Variants in SPESP1 observed in about 807,000 individuals in gnomAD.
The protein encoded by SPESP1 is equatorial segment protein.
SPESP1 carries 1 observed loss-of-function variant against 3.1 expected under a neutral mutation model. The observed-to-expected ratio is 0.33, with a 90% confidence interval of 0.12 to 1.54. The LOEUF is 1.54. SPESP1 is among the 40% of genes most tolerant of loss of function. The probability of loss-of-function intolerance (pLI) is 0.38; values close to 1 mark genes in which losing one functional copy is unlikely to be tolerated. For synonymous variants in SPESP1, 138 were observed against 150.7 expected (o/e 0.92, Z 0.62); for missense variants, 398 against 410.1 (o/e 0.97, Z 0.26).
intron 1 of SPESP1, among the ~76,000 whole-genome samples, chr15:68,943,262 TATG>T (rs1458301638): frequency 2.0e-5 from 3 of 152,176 alleles, no homozygotes; most frequent in African/African-American, 4.8e-5. Flanking sequence ...AGACAAAATA[TATG>T]ATACTATGTG....
chr15:68,942,388 A>G (rs1213266923), intron 1 of SPESP1, among the ~76,000 whole-genome samples: 1 of 151,994 alleles, frequency 6.6e-6, no homozygotes, highest in Non-Finnish European at 1.5e-5. Context: ...ACATAGTTTT[A>G]CCTCTTTCTG....
chr15:68,946,317 A>G lies in SPESP1; in HGVS notation c.783A>G (p.Leu261=), dbSNP rs901930367. Residue 261 remains leucine (L), a synonymous_variant, in exon 2 of 2, where the codon CTA becomes CTG. Transcript: ENST00000310673. ...REDIEASKDH[L]KRSLALAAAA... is the part of the protein sequence containing the mutation. Reference sequence around the variant, plus strand: ...ATATTGAAGCCTCTAAAGATCACCTAAAACGAAGCCTTGCTCTAGCAGCAG... The same window carrying G: ...ATATTGAAGCCTCTAAAGATCACCTGAAACGAAGCCTTGCTCTAGCAGCAG... 1.2e-6 allele frequency: 2 copies of G among 1,614,184 alleles called. No homozygotes were observed. Among genetic ancestry groups the G allele is most frequent in the Non-Finnish European group, 8.5e-7 (1 of 1,180,044 alleles).
At chr15:68,940,235 T>C (rs182985464) in intron 1 of SPESP1, among the ~76,000 whole-genome samples, 231 of 152,274 alleles carry the variant, frequency 1.5e-3, no homozygotes, top group African/African-American at 5.1e-3. Flanking sequence ...TCCTATTTCA[T>C]TGATAGCTCT....
chr15:68,934,844 G>A (rs1052284060), intron 1 of SPESP1, among the ~76,000 whole-genome samples: 2 of 150,762 alleles, frequency 1.3e-5, no homozygotes, highest in Non-Finnish European at 2.9e-5. Flanking sequence ...AGTTTTTTCC[G>A]AGCCTCAAAT....
chr15:68,943,173 C>T (rs1895873383), intron 1 of SPESP1, among the ~76,000 whole-genome samples: 1 of 151,936 alleles, frequency 6.6e-6, no homozygotes, highest in East Asian at 1.9e-4. Context: ...TTGAGTCCCA[C>T]TGCCTCTCCT....
At chr15:68,932,517 A>C (rs1895573859) in intron 1 of SPESP1, among the ~76,000 whole-genome samples, 1 of 151,858 alleles carries the variant, frequency 6.6e-6, no homozygotes, top group Non-Finnish European at 1.5e-5. Context: ...CAGCCTCCTG[A>C]GTAGCTGGGA....
At chr15:68,945,070 A>C (rs1895925437) in intron 1 of SPESP1, among the ~76,000 whole-genome samples, 1 of 152,220 alleles carries the variant, frequency 6.6e-6, no homozygotes, top group African/African-American at 2.4e-5. Flanking sequence ...TCACAAGCAT[A>C]GAAAATAGTA....
rs1895981563 is a variant in SPESP1 at position 68,946,761 on chromosome 15, A to C, written c.*174A>C. ...TCTTTATGTGTCATGTGTTATGAAC[A>C]ATTTTCATATGCACTAAAAACCTAA... is the stretch of plus-strand genomic sequence containing the variant. On this transcript the variant is annotated 3_prime_UTR_variant, in exon 2 of 2. Coordinates refer to ENST00000310673, the MANE Select transcript of SPESP1 (RefSeq NM_145658.4). 5.0e-6 allele frequency: 4 copies of C among 805,862 alleles called. No individual in the cohort carries two copies. Among genetic ancestry groups the C allele is most frequent in the Non-Finnish European group, 6.6e-6 (4 of 601,902 alleles). 49.9% of individuals were successfully genotyped at this position (805,862 alleles called of 1,614,324 possible). A position where few individuals can be genotyped will look rare whatever the true frequency, so the allele number is the denominator to read the frequency against.
Position 68,945,780 on chromosome 15 carries a change from C to T in SPESP1, c.246C>T (p.Asp82=), listed in dbSNP as rs757784904. 19 of 1,613,828 alleles carry T rather than the reference C, an allele frequency of 1.2e-5. No homozygotes were observed. Among genetic ancestry groups the T allele is most frequent in the Admixed American group, 1.7e-5 (1 of 59,950 alleles). ...TTAAGGAGCTAGTTACACATGGAGA[C>T]GCTTCAACTGAGAATGATGTTTTAA... The part of the protein sequence containing the change: ...SKFKELVTHG[D]ASTENDVLTN... Residue 82 remains aspartate, a synonymous_variant, in exon 2 of 2, where the codon GAC becomes GAT. Coordinates refer to ENST00000310673, the MANE Select transcript of SPESP1 (RefSeq NM_145658.4).
intron 1 of SPESP1, among the ~76,000 whole-genome samples, chr15:68,944,884 C>T (rs938102563): frequency 6.6e-6 from 1 of 152,038 alleles, no homozygotes; most frequent in Admixed American, 6.6e-5. Flanking sequence ...ACTGGCTTTT[C>T]GGAGAGAGGA....
At chr15:68,937,918 G>A (rs1015336096) in intron 1 of SPESP1, among the ~76,000 whole-genome samples, 1 of 152,016 alleles carries the variant, frequency 6.6e-6, no homozygotes, top group Non-Finnish European at 1.5e-5. Context: ...CTATGAAAAG[G>A]AAATATATTT....
intron 1 of SPESP1, among the ~76,000 whole-genome samples, chr15:68,941,353 A>G (rs1595720487): frequency 6.6e-6 from 1 of 152,210 alleles, no homozygotes; most frequent in Non-Finnish European, 1.5e-5. Flanking sequence ...TGTAGCTCCT[A>G]TAACAAATTA....
intron 1 of SPESP1, among the ~76,000 whole-genome samples, chr15:68,940,846 G>T (rs972295806): frequency 7.4e-5 from 11 of 149,474 alleles, no homozygotes; most frequent in African/African-American, 2.7e-4. Context: ...TGCCTTTTTA[G>T]GTATACATAG....
chr15:68,945,737 C>T lies in SPESP1; in HGVS notation c.203C>T (p.Ala68Val), dbSNP rs1296713386. 6.2e-7 allele frequency: 1 copy of T among 1,613,934 alleles called. No homozygotes were observed. The highest frequency in any genetic ancestry group is 8.5e-7 in the Non-Finnish European group (1 of 1,179,998). Residue 68 changes from alanine (A) to valine (V), a missense_variant, in exon 2 of 2, where the codon GCA (alanine) becomes GTA (valine). Physicochemically the swap from Ala to Val is moderately conservative, Grantham distance 64. Transcript: ENST00000310673. Reference protein sequence around the residue: ...SNSPKHVYSIASKGSKFKELV... With the variant: ...SNSPKHVYSIVSKGSKFKELV... ...TCTCCAAAACATGTTTATTCTATAGCATCAAAGGGATCAAAATTTAAGGAG... is the reference window on the plus strand; with the variant it reads ...TCTCCAAAACATGTTTATTCTATAGTATCAAAGGGATCAAAATTTAAGGAG...
intron 1 of SPESP1, among the ~76,000 whole-genome samples, chr15:68,940,618 A>G (rs1249265689): frequency 2.6e-5 from 4 of 152,092 alleles, no homozygotes; most frequent in African/African-American, 4.8e-5. Context: ...AAACTGGGTC[A>G]TACATCCTTT....
At chr15:68,936,586 C>T (rs1317773934) in intron 1 of SPESP1, among the ~76,000 whole-genome samples, 1 of 152,138 alleles carries the variant, frequency 6.6e-6, no homozygotes, top group African/African-American at 2.4e-5. Context: ...ATGGATTTTA[C>T]TGTGGGATGA....
rs767528232 is a variant in SPESP1 at position 68,946,548 on chromosome 15, T to A, written c.1014T>A (p.Cys338Ter). Reference protein sequence around the residue: ...ATVFNTLKNMCRSRRVTALLK... With the variant: ...ATVFNTLKNM The stretch of plus-strand genomic sequence containing the variant: ...TATTCAATACATTAAAAAATATGTG[T>A]AGATCAAGGAGAGTCACAGCCTTAT... The change falls in exon 2 of 2, where the codon TGT becomes TGA. Residue 338 changes from cysteine to a stop codon, truncating the protein, a stop_gained. Coordinates refer to ENST00000310673, the MANE Select transcript of SPESP1 (RefSeq NM_145658.4). LOFTEE classifies it high-confidence loss of function. The A allele has an allele frequency of 1.1e-5, 17 of 1,567,890 alleles. No individual in the cohort carries two copies. The African/African-American group carries it at 2.1e-4, about 19-fold the overall frequency.
intron 1 of SPESP1, among the ~76,000 whole-genome samples, chr15:68,942,731 A>T (rs950693030): frequency 3.9e-5 from 6 of 152,286 alleles, no homozygotes; most frequent in East Asian, 3.9e-4. Context: ...GTTCAGTGAG[A>T]TAAAAAGGCA....
Position 68,939,573 on chromosome 15 carries a change from G to A in SPESP1, c.65-6026G>A, listed in dbSNP as rs565844231. Among the ~76,000 whole-genome samples, 72 of 152,326 alleles carry A rather than the reference G, an allele frequency of 4.7e-4. No homozygotes were observed. In the South Asian group the frequency reaches 7.5e-3, roughly 16 times the overall value. On this transcript the variant is annotated intron_variant, in intron 1 of 1. Coordinates refer to ENST00000310673, the MANE Select transcript of SPESP1 (RefSeq NM_145658.4). ...ACTGAGAAGGTCAACATGAAATAGGGAGATGTTTTAGGGGACAAAAGCAGG... is the reference window on the plus strand; with the variant it reads ...ACTGAGAAGGTCAACATGAAATAGGAAGATGTTTTAGGGGACAAAAGCAGG...
Sources: gnomAD v4.1 joint callset for allele counts (sites outside exome capture counted in the v4.1 genomes callset) on GRCh38, gnomAD v4.1.1 for gene constraint, MANE v1.5 for transcripts, NCBI Gene and HGNC (gene_info 2026-07-23, HGNC 2026-07-21) for gene names.